CERT1: variants seen among roughly 807,000 people sequenced by gnomAD.
CERT1 encodes the protein ceramide transfer protein.
In CERT1, 31 loss-of-function variants were observed where a neutral mutation model predicts 87.9. That is an observed-to-expected ratio of 0.35 (90% CI 0.27 to 0.48). The LOEUF (loss-of-function observed/expected upper bound fraction) is 0.48. Among genes scored for constraint, CERT1 ranks in the 20% least tolerant of loss-of-function variants. The probability of loss-of-function intolerance (pLI) is 0.99; values close to 1 mark genes in which losing one functional copy is unlikely to be tolerated. For missense variants in CERT1, 487 were observed against 758.0 expected, an observed-to-expected ratio of 0.64 and a Z score of 4.20; for synonymous variants, 289 against 250.9, an observed-to-expected ratio of 1.15 and a Z score of -1.44.
intron 2 of CERT1, among the ~76,000 whole-genome samples, chr5:75,482,108 G>A (rs959323658): frequency 6.6e-6 from 1 of 152,128 alleles, no homozygotes; most frequent in African/African-American, 2.4e-5. Flanking sequence ...ATGGGCTCTT[G>A]GGGTCCCAAA....
downstream of CERT1, chr5:75,373,984 GT>G: frequency 2.5e-6 from 1 of 397,904 alleles, no homozygotes; most frequent in Non-Finnish European, 4.4e-6. Context: ...TGTATTTATA[GT>G]TATATGCTGA....
intron 2 of CERT1, among the ~76,000 whole-genome samples, chr5:75,478,947 G>A (rs1463916292): frequency 1.7e-5 from 2 of 115,142 alleles, no homozygotes; most frequent in African/African-American, 3.4e-5. Context: ...AAAGCCACAC[G>A]CGTTTGTCAA....
chr5:75,511,237 C>T lies in CERT1; in HGVS notation c.-30G>A, dbSNP rs569067946. 35 of 1,609,584 alleles carry T rather than the reference C, an allele frequency of 2.2e-5. No individual in the cohort carries two copies. Among genetic ancestry groups the T allele is most frequent in the African/African-American group, 2.7e-5 (2 of 74,874 alleles). On this transcript the variant is annotated 5_prime_UTR_variant, in exon 1 of 17. Transcript: ENST00000643780. The stretch of plus-strand genomic sequence containing the variant: ...GCTCGACAACCGAGCAGGAGACCGG[C>T]CCCCGCTCCCTCAGCTGCGCCGGAG...
chr5:75,510,224 A>G (rs1429199159), intron 1 of CERT1, among the ~76,000 whole-genome samples: 1 of 152,046 alleles, frequency 6.6e-6, no homozygotes, highest in African/African-American at 2.4e-5. Context: ...GCCATGTCTA[A>G]AAAAGTTTAA....
At chr5:75,480,837 A>G (rs1766206296) in intron 2 of CERT1, among the ~76,000 whole-genome samples, 2 of 152,172 alleles carry the variant, frequency 1.3e-5, no homozygotes, top group South Asian at 4.1e-4. Flanking sequence ...CCTTCAAAAG[A>G]AATCCAGAAT....
At chr5:75,447,806 C>T (rs1433004424) in intron 3 of CERT1, among the ~76,000 whole-genome samples, 12 of 151,806 alleles carry the variant, frequency 7.9e-5, no homozygotes, top group Non-Finnish European at 1.5e-4. Flanking sequence ...GACAGGGTCT[C>T]ATTGTGTTAC....
At chr5:75,415,731 T>C (rs913070432) in intron 7 of CERT1, among the ~76,000 whole-genome samples, 1 of 152,134 alleles carries the variant, frequency 6.6e-6, no homozygotes, top group Non-Finnish European at 1.5e-5. Context: ...ATTAGTCTAA[T>C]GTATTTAGGG....
intron 7 of CERT1, among the ~76,000 whole-genome samples, chr5:75,412,588 T>C (rs1359221252): frequency 1.3e-5 from 2 of 152,178 alleles, no homozygotes; most frequent in Non-Finnish European, 2.9e-5. Context: ...TATATAAACC[T>C]AGATGGTATA....
chr5:75,438,812 C>T (rs1251967599), intron 3 of CERT1, among the ~76,000 whole-genome samples: 1 of 151,988 alleles, frequency 6.6e-6, no homozygotes, highest in Non-Finnish European at 1.5e-5. Flanking sequence ...TAAAAAATAA[C>T]ATCTTGGGTC....
intron 3 of CERT1, among the ~76,000 whole-genome samples, chr5:75,457,165 C>T (rs535585527): frequency 3.3e-5 from 5 of 152,304 alleles, no homozygotes; most frequent in Non-Finnish European, 5.9e-5. Context: ...TCTCACCTAA[C>T]GTAAAACTCT....
intron 3 of CERT1, among the ~76,000 whole-genome samples, chr5:75,455,741 G>A (rs1353436871): frequency 2.0e-5 from 3 of 152,200 alleles, no homozygotes; most frequent in African/African-American, 4.8e-5. Context: ...GTTAGCTCAT[G>A]GGAATTGTTC....
chr5:75,476,914 G>GA (rs911759828), intron 2 of CERT1, among the ~76,000 whole-genome samples: 4 of 150,866 alleles, frequency 2.7e-5, no homozygotes, highest in African/African-American at 4.9e-5. Context: ...CGAGATGGGG[G>GA]AAAAAAAAAT....
rs529479394 is a variant in CERT1, at chr5:75,471,669, T to C, written c.232-12488A>G. 9.9e-5 allele frequency among the ~76,000 whole-genome samples: 15 copies of C among 150,978 alleles called. No homozygotes were observed. The South Asian group carries it at 1.9e-3, about 19-fold the overall frequency. ...AGCTACTCGGGAGGCTGAGGTAGAA[T>C]TGCTTGAACCTGGGAGGCAGAGGTT... On this transcript the variant is annotated intron_variant, in intron 2 of 16. Transcript: ENST00000643780.
intron 2 of CERT1, among the ~76,000 whole-genome samples, chr5:75,465,938 T>C (rs1561282819): frequency 6.6e-6 from 1 of 152,198 alleles, no homozygotes. Flanking sequence ...GTTAACAAGA[T>C]AGGAGATTGT....
chr5:75,437,938 T>C (rs544796362), intron 3 of CERT1, among the ~76,000 whole-genome samples: 1 of 152,220 alleles, frequency 6.6e-6, no homozygotes, highest in Non-Finnish European at 1.5e-5. Flanking sequence ...TACACCTTCA[T>C]TGTTTAAAAA....
At chr5:75,460,987 T>C (rs1765200445) in intron 2 of CERT1, among the ~76,000 whole-genome samples, 1 of 152,258 alleles carries the variant, frequency 6.6e-6, no homozygotes, top group African/African-American at 2.4e-5. Context: ...TAATTATAAA[T>C]ACAGAAAGAC....
At chr5:75,490,378 G>C (rs1766727261) in intron 2 of CERT1, among the ~76,000 whole-genome samples, 1 of 152,098 alleles carries the variant, frequency 6.6e-6, no homozygotes, top group Non-Finnish European at 1.5e-5. Flanking sequence ...AGAGACTCTA[G>C]TAATATGAAA....
rs555163870 is a variant in CERT1 at position 75,379,075 on chromosome 5, G to A, written c.*271C>T. 57 of 293,742 alleles carry A rather than the reference G, an allele frequency of 1.9e-4. No homozygotes were observed. The highest frequency in any genetic ancestry group is 1.1e-3 in the African/African-American group (52 of 46,250). 18.2% of individuals were successfully genotyped at this position (293,742 alleles called of 1,614,324 possible). A position where few individuals can be genotyped will look rare whatever the true frequency, so the allele number is the denominator to read the frequency against. ...ATGCCTGTGGGGACTCCCAGCTACT[G>A]GGAAGGCTGAGATGAGAGGATTGTT... On this transcript the variant is annotated 3_prime_UTR_variant, in exon 17 of 17. Transcript: ENST00000643780.
At chr5:75,501,152 G>C (rs1209482543) in intron 2 of CERT1, among the ~76,000 whole-genome samples, 1 of 151,900 alleles carries the variant, frequency 6.6e-6, no homozygotes, top group Non-Finnish European at 1.5e-5. Context: ...AAGCTGATTT[G>C]TGTATTTTTT....
Sources: gnomAD v4.1 joint callset for allele counts (sites outside exome capture counted in the v4.1 genomes callset) on GRCh38, gnomAD v4.1.1 for gene constraint, MANE v1.5 for transcripts, NCBI Gene and HGNC (gene_info 2026-07-23, HGNC 2026-07-21) for gene names.